Variants in NOL4 observed in about 807,000 individuals in gnomAD.
The protein encoded by NOL4 is cancer/testis antigen 125.
Under a neutral mutation model 75.9 loss-of-function variants are expected in NOL4, and 17 were observed. The observed-to-expected ratio is 0.22, with a 90% CI of 0.15 to 0.34. NOL4 has a LOEUF of 0.34. Ranked by LOEUF, NOL4 falls within the 10% of genes least tolerant of loss-of-function variation. The probability of loss-of-function intolerance (pLI) is 1.00; values close to 1 mark genes in which losing one functional copy is unlikely to be tolerated. For synonymous variants in NOL4, 292 were observed against 289.9 expected (o/e 1.01, Z -0.07); for missense variants, 614 against 793.5 (o/e 0.77, Z 2.72).
At chr18:33,959,280 A>C (rs1425860478) in intron 6 of NOL4, among the ~76,000 whole-genome samples, 1 of 152,168 alleles carries the variant, frequency 6.6e-6, no homozygotes, top group Non-Finnish European at 1.5e-5. Flanking sequence ...ACAATGCATA[A>C]GTATATCTAC....
At chr18:33,888,743 A>T (rs2064917360) in intron 9 of NOL4, among the ~76,000 whole-genome samples, 2 of 152,004 alleles carry the variant, frequency 1.3e-5, no homozygotes. Context: ...GTGTGGTGTT[A>T]TTTCTGAGGC....
Position 33,958,403 on chromosome 18 carries a change from A to G in NOL4, c.1072T>C (p.Tyr358His). 1 of 1,612,938 alleles carries G rather than the reference A, an allele frequency of 6.2e-7. No individual in the cohort carries two copies. The highest frequency in any genetic ancestry group is 8.5e-7 in the Non-Finnish European group (1 of 1,179,316). ...ENGSKSPAHS[Y>H]SSYDSGKNES... ...TTTTTGCCAGAGTCATAGCTGGAGT[A>G]ACTATGTGCAGGAGACTGAAAAGAG... is the stretch of plus-strand genomic sequence containing the variant. Residue 358 changes from tyrosine (Y) to histidine (H), a missense_variant, in exon 7 of 11, where the codon TAC (tyrosine) becomes CAC (histidine). This residue lies in a region of NOL4 where 196 missense variants were observed against 167.9 expected (regional missense o/e 1.17). Coordinates refer to ENST00000261592, the MANE Select transcript of NOL4 (RefSeq NM_003787.5).
At chr18:34,073,994 A>C (rs1568307783) in intron 5 of NOL4, among the ~76,000 whole-genome samples, 2 of 151,854 alleles carry the variant, frequency 1.3e-5, no homozygotes, top group Non-Finnish European at 2.9e-5. Flanking sequence ...TATAATGTCT[A>C]ACTAAGGAAA....
In NOL4 at chr18:33,851,112, A is replaced by G. The variant is rs2062621306; in HGVS notation, c.*1730T>C. ...GGTTTGACAATCATTCTTTTAACACAGAAATCTGTTTATTAAACCAAACAA... is the reference window on the plus strand; with the variant it reads ...GGTTTGACAATCATTCTTTTAACACGGAAATCTGTTTATTAAACCAAACAA... On this transcript the variant is annotated 3_prime_UTR_variant, in exon 11 of 11. Transcript: ENST00000261592. 1 of 152,500 alleles carries G rather than the reference A, an allele frequency of 6.6e-6. No individual in the cohort carries two copies. Among genetic ancestry groups the G allele is most frequent in the African/African-American group, 2.4e-5 (1 of 41,464 alleles). The allele number at this position is 152,500 out of a possible 1,614,324, so 9.4% of individuals were successfully genotyped here.
At chr18:33,870,180 T>C (rs2063626616) in intron 10 of NOL4, among the ~76,000 whole-genome samples, 1 of 152,030 alleles carries the variant, frequency 6.6e-6, no homozygotes, top group Non-Finnish European at 1.5e-5. Context: ...GTGAGAACAT[T>C]TTACTTCTAC....
At chr18:34,220,373 A>T (rs1035335592) in intron 1 of NOL4, among the ~76,000 whole-genome samples, 4 of 152,224 alleles carry the variant, frequency 2.6e-5, no homozygotes, top group African/African-American at 4.8e-5. Flanking sequence ...TCTTACTGAC[A>T]GCAAAGCCAG....
intron 2 of NOL4, among the ~76,000 whole-genome samples, chr18:34,116,197 A>G (rs1203944146): frequency 6.6e-6 from 1 of 152,150 alleles, no homozygotes; most frequent in Non-Finnish European, 1.5e-5. Flanking sequence ...TAACAGCACA[A>G]CATTAGTGAT....
chr18:34,073,159 A>G lies in NOL4; in HGVS notation c.772+20306T>C, dbSNP rs543550144. Among the ~76,000 whole-genome samples, 3 of 152,238 alleles carry G rather than the reference A, an allele frequency of 2.0e-5. No individual in the cohort carries two copies. In the South Asian group the frequency reaches 6.2e-4, roughly 32 times the overall value. The stretch of plus-strand genomic sequence containing the variant: ...ATTTGTGATAATATTAATAAAATTG[A>G]TAACCCCTTGAAATAACCAATCAGG... On this transcript the variant is annotated intron_variant, in intron 5 of 10. Coordinates refer to ENST00000261592, the MANE Select transcript of NOL4 (RefSeq NM_003787.5).
At chr18:33,959,473 T>C (rs1021409047) in intron 6 of NOL4, among the ~76,000 whole-genome samples, 1 of 152,080 alleles carries the variant, frequency 6.6e-6, no homozygotes, top group Admixed American at 6.6e-5. Flanking sequence ...GAATCAGCCA[T>C]GTACAGCATA....
At chr18:33,999,376 G>T (rs1568193040) in intron 6 of NOL4, among the ~76,000 whole-genome samples, 1 of 151,632 alleles carries the variant, frequency 6.6e-6, no homozygotes, top group Non-Finnish European at 1.5e-5. Context: ...TGGTTACATT[G>T]TTATTATGAA....
chr18:34,140,602 G>A (rs946490564), intron 1 of NOL4, among the ~76,000 whole-genome samples: 3 of 152,026 alleles, frequency 2.0e-5, no homozygotes, highest in South Asian at 4.2e-4. Flanking sequence ...CTCCTGAATA[G>A]AGCACACTGA....
chr18:34,018,993 C>T (rs188456612), intron 6 of NOL4, among the ~76,000 whole-genome samples: 2 of 151,964 alleles, frequency 1.3e-5, no homozygotes, highest in Non-Finnish European at 2.9e-5. Flanking sequence ...AATTGTGTAC[C>T]GAGACTGAAA....
chr18:34,160,702 A>G (rs1344382886), intron 1 of NOL4, among the ~76,000 whole-genome samples: 1 of 152,208 alleles, frequency 6.6e-6, no homozygotes, highest in African/African-American at 2.4e-5. Flanking sequence ...TTGGCACAAT[A>G]ATTGTAGATA....
chr18:33,861,029 G>A (rs544945613), intron 10 of NOL4, among the ~76,000 whole-genome samples: 16 of 152,162 alleles, frequency 1.1e-4, no homozygotes, highest in African/African-American at 2.7e-4. Flanking sequence ...TGCTGGATTC[G>A]GTTTGCCAGT....
intron 6 of NOL4, among the ~76,000 whole-genome samples, chr18:33,970,667 G>T (rs1220377354): frequency 6.6e-6 from 1 of 151,928 alleles, no homozygotes; most frequent in African/African-American, 2.4e-5. Context: ...TATACAGAAT[G>T]TTAGATAAAT....
chr18:33,940,569 G>A (rs1359778386), intron 9 of NOL4, among the ~76,000 whole-genome samples: 1 of 151,848 alleles, frequency 6.6e-6, no homozygotes, highest in African/African-American at 2.4e-5. Flanking sequence ...GCTAGGGGAG[G>A]GATAGCATCA....
At chr18:33,964,467 CAAAGAAAAG>C (rs1253321774) in intron 6 of NOL4, among the ~76,000 whole-genome samples, 4 of 149,910 alleles carry the variant, frequency 2.7e-5, no homozygotes, top group Non-Finnish European at 4.5e-5. Context: ...GAAAGGAAAA[CAAAGAAAAG>C]AAAGAAAAGA....
At chr18:33,909,618 A>G (rs1003925365) in intron 9 of NOL4, among the ~76,000 whole-genome samples, 1 of 151,994 alleles carries the variant, frequency 6.6e-6, no homozygotes, top group Non-Finnish European at 1.5e-5. Context: ...TCCCCTTTTT[A>G]TTATCTCATG....
chr18:34,115,193 T>C (rs2079793844), intron 2 of NOL4, among the ~76,000 whole-genome samples: 2 of 152,134 alleles, frequency 1.3e-5, no homozygotes, highest in Admixed American at 6.5e-5. Flanking sequence ...CAGTAAGCAC[T>C]GTGGGCCCTA....
Sources: allele counts gnomAD v4.1 joint callset (sites outside exome capture counted in the v4.1 genomes callset), GRCh38; gene constraint gnomAD v4.1.1; regional missense constraint gnomAD v4.1.1; transcripts MANE v1.5; gene names NCBI Gene and HGNC (gene_info 2026-07-23, HGNC 2026-07-21).